NTRK3: variants seen among roughly 807,000 people sequenced by gnomAD.
NTRK3 encodes neurotrophic receptor tyrosine kinase 3.
NTRK3 carries 24 observed loss-of-function variants against 91.7 expected under a neutral mutation model. The observed-to-expected ratio is 0.26, with a 90% confidence interval of 0.19 to 0.37. The LOEUF is 0.37. Ranked by LOEUF, NTRK3 falls within the 10% of genes least tolerant of loss-of-function variation. The pLI, the probability that NTRK3 is intolerant of heterozygous loss-of-function variation, is 1.00. For missense variants in NTRK3, 880 were observed against 1,068.9 expected (o/e 0.82, Z 2.46); for synonymous variants, 483 against 404.0 (o/e 1.20, Z -2.34).
chr15:87,932,925 G>C (rs185258572), intron 16 of NTRK3, 87 bp downstream of exon 16: 8 of 1,298,434 alleles, frequency 6.2e-6, no homozygotes, highest in African/African-American at 1.5e-5. Flanking sequence ...GTGTTTAGAG[G>C]GGGTAGTATA....
Position 88,240,592 on chromosome 15 carries a change from TGCCCCCCTG to T in NTRK3, c.248+15305_248+15313del, listed in dbSNP as rs1396041575. Among the ~76,000 whole-genome samples the T allele has an allele frequency of 2.6e-5, 4 of 152,188 alleles. No individual in the cohort carries two copies. The highest frequency in any genetic ancestry group is 9.6e-5 in the African/African-American group (4 of 41,454). The stretch of plus-strand genomic sequence containing the variant: ...TGGAAAGGGGTCTGTAATACAGGGC[TGCCCCCCTG>T]GCTCTGGAGACAAACCTCAGCTCTG... On this transcript the variant is annotated intron_variant, in intron 3 of 18. Transcript: ENST00000394480. The surrounding 1 kb of genome is among the most constrained non-coding windows in gnomAD (Gnocchi z 4.9).
exon 19 of NTRK3, chr15:87,870,902 A>C (rs142238146): frequency 4.4e-6 from 1 of 229,050 alleles, no homozygotes; most frequent in Non-Finnish European, 8.7e-6. Flanking sequence ...GGGTCACGAC[A>C]CTGAACAAAA....
exon 19 of NTRK3, chr15:87,872,942 T>C (rs1310363883): frequency 4.3e-6 from 1 of 232,900 alleles, no homozygotes; most frequent in Non-Finnish European, 8.5e-6. Flanking sequence ...GCCACGTGGA[T>C]AACTAATAGC....
intron 13 of NTRK3, among the ~76,000 whole-genome samples, chr15:88,082,864 G>T (rs1419973660): frequency 6.6e-6 from 1 of 152,152 alleles, no homozygotes; most frequent in Non-Finnish European, 1.5e-5. Context: ...TTACACAGGG[G>T]CTTCCACAAA....
chr15:87,887,339 T>C lies in NTRK3; in HGVS notation c.2134-6911A>G, dbSNP rs117785445. Among the ~76,000 whole-genome samples the C allele has an allele frequency of 8.4e-3, 1,281 of 152,268 alleles. 10 individuals are homozygous for C. The highest frequency in any genetic ancestry group is 0.014 in the Non-Finnish European group (966 of 68,022). Reference sequence around the variant, plus strand: ...GAAGCCTGTGATACAACAAAGAGCATGATGTTGGAAGTCAGAAGCCCTGGG... The same window carrying C: ...GAAGCCTGTGATACAACAAAGAGCACGATGTTGGAAGTCAGAAGCCCTGGG... On this transcript the variant is annotated intron_variant, in intron 17 of 18. Coordinates refer to ENST00000394480, the Ensembl canonical transcript of NTRK3.
At chr15:87,916,403 G>A (rs1596236573) in intron 17 of NTRK3, 1 of 644,650 alleles carries the variant, frequency 1.6e-6, no homozygotes, top group East Asian at 2.7e-5. Flanking sequence ...AGAGAGACGT[G>A]AATGACTCAA....
rs779804619 is a variant in NTRK3, at chr15:87,880,265, T to C, written c.2292+5A>G. On this transcript the variant is annotated splice_donor_5th_base_variant and intron_variant, in intron 18 of 18. Transcript: ENST00000394480. ...AATCAAGATTCCTACGCACCCCCTT[T>C]TTACCTCCGTGTTTGAGAGTTGGAA... is the stretch of plus-strand genomic sequence containing the variant. 1.2e-6 allele frequency: 2 copies of C among 1,614,038 alleles called. No homozygotes were observed. Among genetic ancestry groups the C allele is most frequent in the Non-Finnish European group, 1.7e-6 (2 of 1,180,012 alleles).
At chr15:88,134,958 T>C in intron 10 of NTRK3, 143 bp downstream of exon 10, 1 of 990,840 alleles carries the variant, frequency 1.0e-6, no homozygotes, top group Non-Finnish European at 1.6e-6. Flanking sequence ...CGGCTGGTGG[T>C]TGCACATGTT....
At chr15:88,161,267 G>C (rs2044428541) in intron 5 of NTRK3, among the ~76,000 whole-genome samples, 1 of 152,162 alleles carries the variant, frequency 6.6e-6, no homozygotes, top group Admixed American at 6.5e-5. Flanking sequence ...AGATTACAGA[G>C]CAAGTGAGTT....
At chr15:87,943,756 G>T (rs1355249433) in intron 14 of NTRK3, among the ~76,000 whole-genome samples, 2 of 152,028 alleles carry the variant, frequency 1.3e-5, no homozygotes, top group Non-Finnish European at 1.5e-5. Context: ...TCCAGGGAGT[G>T]GTTTCTCAGC....
chr15:88,220,908 A>T (rs1044157797), intron 3 of NTRK3, among the ~76,000 whole-genome samples: 1 of 152,134 alleles, frequency 6.6e-6, no homozygotes, highest in African/African-American at 2.4e-5. Context: ...ATGCCTCTGA[A>T]CCTCCAGGGG....
At chr15:87,952,238 AGAAAAAGAAAGAAAG>A (rs1426999674) in intron 14 of NTRK3, among the ~76,000 whole-genome samples, 2 of 151,474 alleles carry the variant, frequency 1.3e-5, no homozygotes, top group African/African-American at 4.9e-5. Context: ...AGAAAAGAAA[AGAAAAAGAAAGAAAG>A]AGAAAGAAAA....
At chr15:88,153,123 A>T (rs993176245) in intron 5 of NTRK3, among the ~76,000 whole-genome samples, 1 of 152,222 alleles carries the variant, frequency 6.6e-6, no homozygotes, top group Admixed American at 6.5e-5. Context: ...TGCTGGCTGC[A>T]ATCATTATGG....
chr15:88,025,284 A>T (rs905770037), intron 14 of NTRK3, among the ~76,000 whole-genome samples: 1 of 152,256 alleles, frequency 6.6e-6, no homozygotes, highest in Non-Finnish European at 1.5e-5. Context: ...CAAATGAGTT[A>T]AAAACTTATT....
intron 6 of NTRK3, among the ~76,000 whole-genome samples, chr15:88,139,360 T>A (rs2042170421): frequency 6.6e-6 from 1 of 152,212 alleles, no homozygotes; most frequent in Non-Finnish European, 1.5e-5. Context: ...GAGATGAATC[T>A]GTTGGAAACC....
chr15:88,206,676 AAC>A lies in NTRK3; in HGVS notation c.249-22379_249-22378del, dbSNP rs879040779. Reference sequence around the variant, plus strand: ...CCGTCTCGAAAAAAAAAAAAAAAAAAACAAACCTCTCCAGAAACCTCAAAGAG... The same window carrying A: ...CCGTCTCGAAAAAAAAAAAAAAAAAAAAACCTCTCCAGAAACCTCAAAGAG... On this transcript the variant is annotated intron_variant, in intron 3 of 18. Coordinates refer to ENST00000394480, the Ensembl canonical transcript of NTRK3. Among the ~76,000 whole-genome samples the A allele has an allele frequency of 6.3e-4, 94 of 148,838 alleles. 10 individuals carry two copies. Among genetic ancestry groups the A allele is most frequent in the East Asian group, 2.6e-3 (13 of 4,940 alleles).
At chr15:88,137,763 A>G (rs2042013451) in intron 6 of NTRK3, among the ~76,000 whole-genome samples, 1 of 152,224 alleles carries the variant, frequency 6.6e-6, no homozygotes, top group Non-Finnish European at 1.5e-5. Flanking sequence ...TTTTAAAAAA[A>G]GAAATCCAGC....
At chr15:88,111,184 C>T (rs2051309586) in intron 13 of NTRK3, among the ~76,000 whole-genome samples, 1 of 152,196 alleles carries the variant, frequency 6.6e-6, no homozygotes, top group Non-Finnish European at 1.5e-5. Context: ...CAGGCTGCTG[C>T]TTCACACCTG....
chr15:88,090,604 G>A lies in NTRK3; in HGVS notation c.1396+35667C>T, dbSNP rs75289554. ...TCCAGAAATGACCGTGACAGCTGCT[G>A]TCTCTCCAGCCACTCCCTGGGGTGT... On this transcript the variant is annotated intron_variant, in intron 13 of 18. Transcript: ENST00000394480. 1.2e-3 allele frequency among the ~76,000 whole-genome samples: 178 copies of A among 152,256 alleles called. 1 individual carries two copies. In the East Asian group the frequency reaches 0.028, roughly 24 times the overall value.
Sources: allele counts gnomAD v4.1 joint callset (sites outside exome capture counted in the v4.1 genomes callset), GRCh38; gene constraint gnomAD v4.1.1; non-coding constraint Gnocchi (gnomAD v3.1); transcripts MANE v1.5; gene names NCBI Gene and HGNC (gene_info 2026-07-23, HGNC 2026-07-21).